Variants in APBB2 observed in about 807,000 individuals in gnomAD.
APBB2 encodes the protein amyloid beta precursor protein binding family B member 2, also known as Fe65-like 1.
A neutral mutation model predicts 82.5 loss-of-function variants in APBB2; 38 were observed. The ratio of observed to expected loss-of-function variants is 0.46; its 90% CI spans 0.36 to 0.60. The LOEUF (loss-of-function observed/expected upper bound fraction) is 0.60. Among genes scored for constraint, APBB2 ranks in the 20% least tolerant of loss-of-function variants. The pLI is 0.00. For synonymous variants in APBB2, 341 were observed against 368.2 expected (o/e 0.93, Z 0.85); for missense variants, 772 against 972.3 (o/e 0.79, Z 2.74).
At position 41,130,466 on chromosome 4, in the gene APBB2, C is replaced by T. The variant is rs554447031; in HGVS notation, c.-261+12521G>A. On this transcript the variant is annotated intron_variant, in intron 2 of 17. Coordinates refer to ENST00000508593, the MANE Select transcript of APBB2 (RefSeq NM_004307.2). ...CCTAATTCTATCCTTGCCCTCTACA[C>T]TCTATTCTCAACAGAGGAATCCTGT... is the stretch of plus-strand genomic sequence containing the variant. Among the ~76,000 whole-genome samples, 10 of 152,262 alleles carry T rather than the reference C, an allele frequency of 6.6e-5. No homozygotes were observed. In the South Asian group the frequency reaches 2.1e-3, roughly 32 times the overall value.
chr4:40,900,030 CA>C, intron 10 of APBB2, among the ~76,000 whole-genome samples: 2 of 152,298 alleles, frequency 1.3e-5, no homozygotes, highest in Admixed American at 1.3e-4. Flanking sequence ...TGTTGAGAGA[CA>C]GTGACCAAAA....
intron 3 of APBB2, among the ~76,000 whole-genome samples, chr4:41,081,495 T>C (rs1488310690): frequency 6.6e-6 from 1 of 152,188 alleles, no homozygotes; most frequent in African/African-American, 2.4e-5. Flanking sequence ...ATAAAGGAGG[T>C]AAATTCATAG....
intron 1 of APBB2, among the ~76,000 whole-genome samples, chr4:41,178,783 T>G (rs1770534009): frequency 6.6e-6 from 1 of 152,220 alleles, no homozygotes; most frequent in Non-Finnish European, 1.5e-5. Context: ...ACATTCTTAA[T>G]AAGTGGCAAA....
At chr4:41,123,822 CA>C (rs145013488) in intron 2 of APBB2, among the ~76,000 whole-genome samples, 25 of 145,504 alleles carry the variant, frequency 1.7e-4, no homozygotes, top group African/African-American at 5.8e-4. Context: ...CTCTGTCTCA[CA>C]AAAAAAAACC....
chr4:40,842,074 G>T (rs1327068552), intron 12 of APBB2, among the ~76,000 whole-genome samples: 2 of 152,206 alleles, frequency 1.3e-5, no homozygotes, highest in Non-Finnish European at 2.9e-5. Flanking sequence ...ACACTGATGA[G>T]ATTTTTCTCA....
At chr4:41,034,043 G>C (rs1285636189) in intron 4 of APBB2, among the ~76,000 whole-genome samples, 1 of 152,208 alleles carries the variant, frequency 6.6e-6, no homozygotes, top group Non-Finnish European at 1.5e-5. Flanking sequence ...CCTTGCTGGT[G>C]AGAGTAAAAG....
Position 40,904,195 on chromosome 4 carries a change from C to A in APBB2, c.1255-10784G>T, listed in dbSNP as rs559031055. Among the ~76,000 whole-genome samples, 2 of 152,272 alleles carry A rather than the reference C, an allele frequency of 1.3e-5. 1 individual carries two copies. Among genetic ancestry groups the A allele is most frequent in the African/African-American group, 4.8e-5 (2 of 41,564 alleles). On this transcript the variant is annotated intron_variant, in intron 10 of 17. Transcript: ENST00000508593. ...CCTGTAATCCCAGCACTTTGGGAGGCTGAGGCGGGCAGATCACTTGAGGTC... is the reference window on the plus strand; with the variant it reads ...CCTGTAATCCCAGCACTTTGGGAGGATGAGGCGGGCAGATCACTTGAGGTC...
chr4:40,866,652 T>C (rs931864047), intron 12 of APBB2, among the ~76,000 whole-genome samples: 6 of 152,230 alleles, frequency 3.9e-5, no homozygotes, highest in African/African-American at 1.4e-4. Flanking sequence ...TTATTTGTTT[T>C]ATCTTCGGAT....
At chr4:40,940,701 T>C (rs1786654505) in intron 7 of APBB2, among the ~76,000 whole-genome samples, 1 of 152,134 alleles carries the variant, frequency 6.6e-6, no homozygotes, top group Non-Finnish European at 1.5e-5. Context: ...AAACCACAGT[T>C]TGAGCAACAA....
chr4:40,923,142 A>AT (rs1781753046), intron 10 of APBB2, among the ~76,000 whole-genome samples: 1 of 151,146 alleles, frequency 6.6e-6, no homozygotes, highest in Non-Finnish European at 1.5e-5. Flanking sequence ...CGCCCGGCTA[A>AT]TTTTTTGTAT....
chr4:40,900,613 G>A (rs888987402), intron 10 of APBB2, among the ~76,000 whole-genome samples: 1 of 151,878 alleles, frequency 6.6e-6, no homozygotes, highest in South Asian at 2.1e-4. Context: ...AGACCACCAC[G>A]CTCACCTAAT....
rs1215093328 is a variant in APBB2 at position 40,816,161 on chromosome 4, A to C, written c.2211T>G (p.Asn737Lys). The C allele has an allele frequency of 1.2e-6, 2 of 1,614,206 alleles. No homozygotes were observed. The highest frequency in any genetic ancestry group is 3.3e-5 in the Admixed American group (2 of 60,018). The change falls in exon 18 of 18, where the codon AAT (asparagine) becomes AAG (lysine). Residue 737 changes from asparagine (N) to lysine (K), a missense_variant. Coordinates refer to ENST00000508593, the MANE Select transcript of APBB2 (RefSeq NM_004307.2). ...ADSVTRRVTT[N>K]VKRGVLSLID... The stretch of plus-strand genomic sequence containing the variant: ...TGAGGGATAAGACCCCTCGTTTTAC[A>C]TTGGTTGTGACTCTTCTGGTTACTG...
intron 1 of APBB2, among the ~76,000 whole-genome samples, chr4:41,178,305 T>C (rs944938488): frequency 2.0e-5 from 3 of 152,224 alleles, no homozygotes; most frequent in Admixed American, 2.0e-4. Context: ...TTAAACTTCC[T>C]AAAGCAATGT....
chr4:41,007,043 G>A (rs1257843274), intron 6 of APBB2, among the ~76,000 whole-genome samples: 1 of 152,056 alleles, frequency 6.6e-6, no homozygotes, highest in Non-Finnish European at 1.5e-5. Context: ...AGACATCAAA[G>A]GATTCAAACT....
At chr4:41,049,462 TG>T (rs1230455291) in intron 4 of APBB2, among the ~76,000 whole-genome samples, 1 of 129,204 alleles carries the variant, frequency 7.7e-6, no homozygotes, top group Non-Finnish European at 1.6e-5. Flanking sequence ...GCGAGGGAGG[TG>T]GGGGGCAGCC....
chr4:41,015,482 C>T (rs1560531090), intron 5 of APBB2, among the ~76,000 whole-genome samples: 1 of 152,196 alleles, frequency 6.6e-6, no homozygotes, highest in Non-Finnish European at 1.5e-5. Context: ...TTCCCTCTTC[C>T]TCCCCCAGGC....
At chr4:41,046,822 T>C (rs530236470) in intron 4 of APBB2, among the ~76,000 whole-genome samples, 2 of 152,360 alleles carry the variant, frequency 1.3e-5, no homozygotes, top group South Asian at 4.1e-4. Flanking sequence ...CAGGCTCTAT[T>C]CACAGGGGTG....
chr4:41,042,920 A>G (rs1017815693), intron 4 of APBB2, among the ~76,000 whole-genome samples: 5 of 152,248 alleles, frequency 3.3e-5, no homozygotes, highest in Non-Finnish European at 7.3e-5. Flanking sequence ...CACTAGTTAT[A>G]GCCACAACAA....
chr4:41,020,190 G>A (rs946303548), intron 5 of APBB2, among the ~76,000 whole-genome samples: 2 of 152,240 alleles, frequency 1.3e-5, no homozygotes, highest in African/African-American at 4.8e-5. Context: ...TGTTGCCAGT[G>A]TAAACAAGGG....
Sources: gnomAD v4.1 joint callset for allele counts (sites outside exome capture counted in the v4.1 genomes callset) on GRCh38, gnomAD v4.1.1 for gene constraint, MANE v1.5 for transcripts, NCBI Gene and HGNC (gene_info 2026-07-23, HGNC 2026-07-21) for gene names.